The following CLASP2 variants were observed in gnomAD, a reference collection of about 807,000 sequenced individuals.
CLASP2 encodes CLIP-associating protein 2.
A neutral mutation model predicts 194.4 loss-of-function variants in CLASP2; 47 were observed. That is an observed-to-expected ratio of 0.24 (90% confidence interval 0.19 to 0.31). The LOEUF is 0.31. CLASP2 is among the 10% of genes least tolerant of loss of function. The probability of loss-of-function intolerance (pLI) is 1.00; values close to 1 mark genes in which losing one functional copy is unlikely to be tolerated. For missense variants in CLASP2, 1,445 were observed against 1,823.6 expected (o/e 0.79, Z 3.78); for synonymous variants, 619 against 633.5 (o/e 0.98, Z 0.34).
rs563253239 is a variant in CLASP2 at position 33,696,159 on chromosome 3, G to A, written c.274+696C>T. Among the ~76,000 whole-genome samples the A allele has an allele frequency of 4.2e-5, 6 of 144,438 alleles. No homozygotes were observed. The East Asian group carries it at 1.2e-3, about 29-fold the overall frequency. The allele number at this position is 144,438 out of a possible 152,430, so 94.8% of individuals were successfully genotyped here. On this transcript the variant is annotated intron_variant, in intron 2 of 38. Coordinates refer to ENST00000682230, the MANE Select transcript of CLASP2 (RefSeq NM_001365631.1). The stretch of plus-strand genomic sequence containing the variant: ...ATCTAATGATAAAAAATTGGGTCTT[G>A]TTTTTTTTTTCATTTAATTTTGCTA...
chr3:33,658,873 T>A (rs2084780054), intron 7 of CLASP2: 1 of 1,102,812 alleles, frequency 9.1e-7, no homozygotes, highest in African/African-American at 1.6e-5. Flanking sequence ...CAAGTGTCCT[T>A]CATTCTTTAG....
At chr3:33,617,115 A>T (rs1373975204) in intron 12 of CLASP2, among the ~76,000 whole-genome samples, 4 of 151,916 alleles carry the variant, frequency 2.6e-5, no homozygotes, top group Admixed American at 1.3e-4. Context: ...ACGGGAAAAA[A>T]GGACCATTTT....
intron 32 of CLASP2, among the ~76,000 whole-genome samples, chr3:33,542,361 A>T (rs2058497528): frequency 6.7e-6 from 1 of 148,482 alleles, no homozygotes. Context: ...TGAATTACAT[A>T]TATATGTAAT....
intron 6 of CLASP2, among the ~76,000 whole-genome samples, chr3:33,677,294 G>C (rs545469305): frequency 6.6e-6 from 1 of 151,652 alleles, no homozygotes; most frequent in Admixed American, 6.6e-5. Flanking sequence ...GCAAAGACTT[G>C]GAACCAACCC....
chr3:33,612,702 C>A (rs2075403577), intron 12 of CLASP2, among the ~76,000 whole-genome samples: 2 of 152,064 alleles, frequency 1.3e-5, no homozygotes, highest in African/African-American at 4.8e-5. Flanking sequence ...TCCTGTATTC[C>A]TTCTGAGCTA....
intron 32 of CLASP2, among the ~76,000 whole-genome samples, chr3:33,539,639 A>G (rs745849854): frequency 1.4e-4 from 22 of 151,892 alleles, no homozygotes; most frequent in Non-Finnish European, 3.1e-4. Context: ...CCAGCCCATA[A>G]ATAAAATTTT....
intron 1 of CLASP2, among the ~76,000 whole-genome samples, chr3:33,710,755 T>C (rs961450104): frequency 2.6e-5 from 4 of 152,014 alleles, no homozygotes; most frequent in African/African-American, 9.7e-5. Flanking sequence ...GCCAACATGG[T>C]GAAACCCCGT....
intron 7 of CLASP2, among the ~76,000 whole-genome samples, chr3:33,661,556 A>C (rs2085310118): frequency 6.6e-6 from 1 of 152,240 alleles, no homozygotes; most frequent in African/African-American, 2.4e-5. Flanking sequence ...TTCTAGCTTG[A>C]GCTGATGATG....
At chr3:33,549,334 T>C (rs1290508922) in intron 30 of CLASP2, among the ~76,000 whole-genome samples, 3 of 152,342 alleles carry the variant, frequency 2.0e-5, no homozygotes, top group South Asian at 2.1e-4. Context: ...ATTTGAGAGC[T>C]TTCTTTTTAT....
intron 36 of CLASP2, chr3:33,514,562 T>C (rs2050755556): frequency 5.7e-6 from 1 of 174,358 alleles, no homozygotes; most frequent in South Asian, 1.3e-4. Context: ...GCTTCTGTCT[T>C]GGTTCTACCA....
Position 33,551,362 on chromosome 3 carries a change from G to C in CLASP2, c.3043C>G (p.Leu1015Val). The C allele has an allele frequency of 1.2e-6, 2 of 1,613,824 alleles. No individual in the cohort carries two copies. Among genetic ancestry groups the C allele is most frequent in the Non-Finnish European group, 1.7e-6 (2 of 1,179,782 alleles). ...KVAILKYIETLAKQMDPGDFI... is the reference protein window; with the variant it reads ...KVAILKYIETVAKQMDPGDFI... ...TCTCCTGGATCCATCTGTTTGGCCA[G>C]AGTTTCTATGTATTTAAGGATAGCA... Residue 1015 changes from leucine (L) to valine (V), a missense_variant, in exon 30 of 39, where the codon CTG (leucine) becomes GTG (valine). Leu to Val is a conservative substitution (Grantham distance 32, BLOSUM62 1). Around this residue, in one of 4 missense-constraint regions of CLASP2, gnomAD observed 732 missense variants for 987.9 expected, o/e 0.74. Transcript: ENST00000682230.
intron 8 of CLASP2, among the ~76,000 whole-genome samples, chr3:33,640,997 G>C (rs2081177196): frequency 6.6e-6 from 1 of 152,000 alleles, no homozygotes; most frequent in Admixed American, 6.6e-5. Flanking sequence ...ATAGAAATTA[G>C]TATGATGGCA....
chr3:33,624,927 A>T (rs2077734503), intron 10 of CLASP2, among the ~76,000 whole-genome samples: 1 of 152,130 alleles, frequency 6.6e-6, no homozygotes, highest in East Asian at 1.9e-4. Flanking sequence ...TTTAAAATTG[A>T]AAAGAAAACA....
intron 4 of CLASP2, 103 bp downstream of exon 4, chr3:33,688,174 T>G (rs900016890): frequency 2.1e-5 from 16 of 764,260 alleles, no homozygotes; most frequent in Non-Finnish European, 3.2e-5. Context: ...CTTTAATAAT[T>G]TTAAATGTGT....
At chr3:33,707,728 C>T (rs1052058144) in intron 1 of CLASP2, among the ~76,000 whole-genome samples, 22 of 152,176 alleles carry the variant, frequency 1.4e-4, no homozygotes, top group Admixed American at 1.4e-3. Context: ...ACTAAATTAC[C>T]AATTTACAGG....
At chr3:33,667,502 A>C (rs1329835327) in intron 6 of CLASP2, among the ~76,000 whole-genome samples, 1 of 151,188 alleles carries the variant, frequency 6.6e-6, no homozygotes. Context: ...TCCTTGAAGC[A>C]TAAGTTTTTA....
chr3:33,668,134 G>A (rs1389651764), intron 6 of CLASP2, among the ~76,000 whole-genome samples: 2 of 152,148 alleles, frequency 1.3e-5, no homozygotes, highest in African/African-American at 2.4e-5. Flanking sequence ...CAAGAGAATC[G>A]CTTGAACCCA....
At chr3:33,717,465 C>T (rs1261156668) in intron 1 of CLASP2, among the ~76,000 whole-genome samples, 2 of 152,108 alleles carry the variant, frequency 1.3e-5, no homozygotes, top group African/African-American at 4.8e-5. Context: ...CTCACTCTGT[C>T]GCCCAGGCTG....
intron 24 of CLASP2, among the ~76,000 whole-genome samples, chr3:33,575,012 C>T (rs1274538370): frequency 3.3e-5 from 5 of 151,972 alleles, no homozygotes; most frequent in African/African-American, 9.7e-5. Flanking sequence ...CCAATCAATT[C>T]GTAACATTTA....
Sources: gnomAD v4.1 joint callset for allele counts (sites outside exome capture counted in the v4.1 genomes callset) on GRCh38, gnomAD v4.1.1 for gene constraint, gnomAD v4.1.1 regional missense constraint, MANE v1.5 for transcripts, NCBI Gene and HGNC (gene_info 2026-07-23, HGNC 2026-07-21) for gene names.